Variants in IQCH observed in about 807,000 individuals in gnomAD.
The protein encoded by IQCH is IQ domain-containing protein H.
Under a neutral mutation model 117.0 loss-of-function variants are expected in IQCH, and 98 were observed. That is an observed-to-expected ratio of 0.84 (90% CI 0.71 to 0.99). The LOEUF is 0.99. Among genes scored for constraint, IQCH ranks in the 50% least tolerant of loss-of-function variants. The pLI, the probability that IQCH is intolerant of heterozygous loss-of-function variation, is 0.00. For synonymous variants in IQCH, 412 were observed against 448.2 expected, an observed-to-expected ratio of 0.92 and a Z score of 1.02; for missense variants, 1,102 against 1,243.8, an observed-to-expected ratio of 0.89 and a Z score of 1.72.
At chr15:67,327,045 A>G (rs1307566881) in intron 4 of IQCH, among the ~76,000 whole-genome samples, 2 of 152,218 alleles carry the variant, frequency 1.3e-5, no homozygotes, top group African/African-American at 4.8e-5. Context: ...CTTAATCTAG[A>G]ATATCCTATG....
chr15:67,462,124 C>T (rs2082812785), intron 16 of IQCH, among the ~76,000 whole-genome samples: 1 of 151,456 alleles, frequency 6.6e-6, no homozygotes, highest in South Asian at 2.1e-4. Context: ...CCACTGCGCC[C>T]GGCCTACCTT....
intron 4 of IQCH, among the ~76,000 whole-genome samples, chr15:67,299,989 CT>C (rs1464053081): frequency 6.6e-6 from 1 of 152,010 alleles, no homozygotes; most frequent in Admixed American, 6.6e-5. Context: ...TTGATGTTTA[CT>C]TTAATACGTT....
intron 4 of IQCH, among the ~76,000 whole-genome samples, chr15:67,313,237 A>G (rs774656602): frequency 3.3e-5 from 5 of 152,332 alleles, no homozygotes; most frequent in Non-Finnish European, 5.9e-5. Context: ...TGCATGCTTT[A>G]GTAGAAAGAG....
intron 4 of IQCH, among the ~76,000 whole-genome samples, chr15:67,283,212 C>A (rs540985741): frequency 1.3e-5 from 2 of 152,192 alleles, no homozygotes; most frequent in African/African-American, 4.8e-5. Context: ...TTGTTGAACC[C>A]CCACTCTCTA....
rs1363895246 is a variant in IQCH at position 67,391,232 on chromosome 15, T to C, written c.1632+2226T>C. ...AGTAGGCAAGGTTTTAAGTACTTAA[T>C]AGTTCTCATAGCTCAAGTTTAAATT... On this transcript the variant is annotated intron_variant, in intron 12 of 20. Coordinates refer to ENST00000335894, the MANE Select transcript of IQCH (RefSeq NM_001031715.3). The surrounding 1 kb of genome is among the most constrained non-coding windows in gnomAD (Gnocchi z 4.3). Among the ~76,000 whole-genome samples, 1 of 152,196 alleles carries C rather than the reference T, an allele frequency of 6.6e-6. No individual in the cohort carries two copies. Among genetic ancestry groups the C allele is most frequent in the Non-Finnish European group, 1.5e-5 (1 of 68,038 alleles).
At chr15:67,498,344 G>A (rs941867822) in intron 20 of IQCH, among the ~76,000 whole-genome samples, 35 of 152,192 alleles carry the variant, frequency 2.3e-4, no homozygotes, top group East Asian at 3.9e-4. Context: ...GGCCGGGCGC[G>A]GTGGCTCACA....
At chr15:67,325,846 G>C (rs539675907) in intron 4 of IQCH, among the ~76,000 whole-genome samples, 1 of 152,070 alleles carries the variant, frequency 6.6e-6, no homozygotes, top group East Asian at 1.9e-4. Flanking sequence ...TAAATTCTAA[G>C]TATGTGCCAT....
chr15:67,274,744 G>T (rs959303562), intron 3 of IQCH, among the ~76,000 whole-genome samples: 1 of 152,118 alleles, frequency 6.6e-6, no homozygotes, highest in African/African-American at 2.4e-5. Flanking sequence ...TGCATTAAAG[G>T]ATTAGTTATT....
chr15:67,372,518 AT>A lies in IQCH; in HGVS notation c.1163del (p.Phe388SerfsTer14), dbSNP rs764418976. On this transcript the variant is annotated frameshift_variant, in exon 9 of 21. Coordinates refer to ENST00000335894, the MANE Select transcript of IQCH (RefSeq NM_001031715.3). LOFTEE classifies it high-confidence loss of function. ...ATWKCYKARK[F>X]FLFYRQQKWA... ...CATGGAAATGCTACAAAGCAAGAAA[AT>A]TCTTCCTCTTTTATCGCCAGCAGAA... 315 of 1,613,992 alleles carry A rather than the reference AT, an allele frequency of 2.0e-4. 2 individuals carry two copies. The highest frequency in any genetic ancestry group is 1.7e-3 in the South Asian group (151 of 91,058).
At chr15:67,308,510 A>C (rs754234885) in intron 4 of IQCH, among the ~76,000 whole-genome samples, 12 of 152,148 alleles carry the variant, frequency 7.9e-5, no homozygotes, top group Non-Finnish European at 1.5e-4. Flanking sequence ...TATTTATGAC[A>C]CAAAGTCATC....
intron 10 of IQCH, among the ~76,000 whole-genome samples, chr15:67,380,291 G>C (rs1449992973): frequency 6.6e-6 from 1 of 152,066 alleles, no homozygotes; most frequent in Non-Finnish European, 1.5e-5. Flanking sequence ...GGCCCATTTG[G>C]TTTGAGGATG....
At position 67,406,371 on chromosome 15, in the gene IQCH, A is replaced by C. The variant is rs1012651375; in HGVS notation, c.2097+6066A>C. 6.6e-6 allele frequency: 1 copy of C among 152,088 alleles called. No homozygotes were observed. Among genetic ancestry groups the C allele is most frequent in the Non-Finnish European group, 1.5e-5 (1 of 68,026 alleles). The allele number at this position is 152,088 out of a possible 1,614,324, so 9.4% of individuals were successfully genotyped here. Reference sequence around the variant, plus strand: ...CAATATAGTGAGACCCTATCTCTACAAAAAATTTAAAAATTAGGTGTGTGC... The same window carrying C: ...CAATATAGTGAGACCCTATCTCTACCAAAAATTTAAAAATTAGGTGTGTGC... On this transcript the variant is annotated intron_variant, in intron 14 of 20. Coordinates refer to ENST00000335894, the MANE Select transcript of IQCH (RefSeq NM_001031715.3). This position sits in a 1 kb window ranked among gnomAD's most constrained non-coding sequence, Gnocchi z 4.5.
intron 10 of IQCH, among the ~76,000 whole-genome samples, chr15:67,383,209 A>C (rs4776924): frequency 2.6e-5 from 4 of 152,080 alleles, no homozygotes; most frequent in Admixed American, 2.6e-4. Flanking sequence ...AGGTGTTTTC[A>C]TGTCTGTAAC....
At position 67,476,081 on chromosome 15, in the gene IQCH, A is replaced by C. The variant is rs1438747733; in HGVS notation, c.2799+263A>C. On this transcript the variant is annotated intron_variant, in intron 18 of 20. Transcript: ENST00000335894. The surrounding 1 kb of genome is among the most constrained non-coding windows in gnomAD (Gnocchi z 4.1). ...GAAGCCATGCAAGCTCTCCAGACTTAGGAGGCATTTTGGGGACCACCTCAT... is the reference window on the plus strand; with the variant it reads ...GAAGCCATGCAAGCTCTCCAGACTTCGGAGGCATTTTGGGGACCACCTCAT... 6.6e-6 allele frequency among the ~76,000 whole-genome samples: 1 copy of C among 152,236 alleles called. No homozygotes were observed. Among genetic ancestry groups the C allele is most frequent in the Non-Finnish European group, 1.5e-5 (1 of 68,040 alleles).
chr15:67,306,999 A>T (rs1042419813), intron 4 of IQCH: 1 of 1,354,214 alleles, frequency 7.4e-7, no homozygotes, highest in Non-Finnish European at 9.5e-7. Context: ...GGCTTGAAAC[A>T]TGTATCTGTT....
At chr15:67,271,921 C>T (rs1965913377) in intron 3 of IQCH, among the ~76,000 whole-genome samples, 1 of 151,828 alleles carries the variant, frequency 6.6e-6, no homozygotes, top group South Asian at 2.1e-4. Flanking sequence ...TCATTTATTT[C>T]TGCTCTAGTC....
intron 14 of IQCH, among the ~76,000 whole-genome samples, chr15:67,402,206 ATAAT>A (rs1429764004): frequency 2.6e-5 from 4 of 152,248 alleles, no homozygotes; most frequent in Non-Finnish European, 5.9e-5. Flanking sequence ...AAGCTCTTGA[ATAAT>A]TAATAATCTA....
At chr15:67,290,741 T>A (rs1286797790) in intron 4 of IQCH, among the ~76,000 whole-genome samples, 1 of 151,496 alleles carries the variant, frequency 6.6e-6, no homozygotes, top group Non-Finnish European at 1.5e-5. Context: ...GTGAAGGCAG[T>A]TTGTGAGACA....
chr15:67,255,623 C>A (rs1328212183), intron 1 of IQCH, among the ~76,000 whole-genome samples: 1 of 152,160 alleles, frequency 6.6e-6, no homozygotes, highest in Non-Finnish European at 1.5e-5. Flanking sequence ...CCACATATAT[C>A]ATCGGTTTTA....
Sources: allele counts gnomAD v4.1 joint callset (sites outside exome capture counted in the v4.1 genomes callset), GRCh38; gene constraint gnomAD v4.1.1; non-coding constraint Gnocchi (gnomAD v3.1); transcripts MANE v1.5; gene names NCBI Gene and HGNC (gene_info 2026-07-23, HGNC 2026-07-21).